VPS45: variants seen among roughly 807,000 people sequenced by gnomAD.
VPS45 encodes the protein vacuolar protein sorting 45 homolog, also known as vacuolar protein sorting-associated protein 45.
In VPS45, 35 loss-of-function variants were observed where a neutral mutation model predicts 75.9. The ratio of observed to expected loss-of-function variants is 0.46; its 90% CI spans 0.35 to 0.61. The LOEUF is 0.61. Ranked by LOEUF, VPS45 falls within the 20% of genes least tolerant of loss-of-function variation. The pLI is 0.00. For missense variants in VPS45, 559 were observed against 685.9 expected (o/e 0.81, Z 2.07); for synonymous variants, 220 against 238.2 (o/e 0.92, Z 0.70).
intron 10 of VPS45, 114 bp from the exon 11 acceptor site, chr1:150,091,823 T>A: frequency 1.1e-6 from 1 of 928,230 alleles, no homozygotes; most frequent in Non-Finnish European, 1.6e-6. Flanking sequence ...GTATGACTTA[T>A]AATTGTCATA....
chr1:150,094,404 G>A (rs189271873), intron 13 of VPS45, among the ~76,000 whole-genome samples: 2 of 152,202 alleles, frequency 1.3e-5, no homozygotes, highest in Admixed American at 6.5e-5. Flanking sequence ...AAGAGCCTTG[G>A]AAGTATAGTG....
chr1:150,130,628 G>A (rs1391759381), intron 14 of VPS45, among the ~76,000 whole-genome samples: 1 of 151,994 alleles, frequency 6.6e-6, no homozygotes, highest in African/African-American at 2.4e-5. Context: ...TCAATTTTTT[G>A]TTCATTCAAC....
At chr1:150,103,404 T>C (rs1386063139) in intron 13 of VPS45, among the ~76,000 whole-genome samples, 1 of 152,222 alleles carries the variant, frequency 6.6e-6, no homozygotes, top group Non-Finnish European at 1.5e-5. Context: ...TCAGCTTGAA[T>C]AAGTAGTAGG....
intron 14 of VPS45, among the ~76,000 whole-genome samples, chr1:150,128,917 A>G (rs1658666541): frequency 6.6e-6 from 1 of 152,068 alleles, no homozygotes; most frequent in Non-Finnish European, 1.5e-5. Flanking sequence ...TTATTTTTGT[A>G]TTTTTAGTAG....
chr1:150,131,939 A>G (rs1316982619), intron 14 of VPS45, among the ~76,000 whole-genome samples: 1 of 152,164 alleles, frequency 6.6e-6, no homozygotes, highest in East Asian at 1.9e-4. Context: ...GAAGGAAGAA[A>G]CAGATTAATA....
At chr1:150,130,079 G>A (rs77591787) in intron 14 of VPS45, among the ~76,000 whole-genome samples, 3,264 of 151,570 alleles carry the variant, frequency 0.022, 97 homozygotes, top group African/African-American at 0.074. Context: ...TGCCCAGTCT[G>A]GTATTGAACT....
At chr1:150,081,752 G>A in intron 8 of VPS45, 132 bp from the exon 9 acceptor site, 1 of 667,794 alleles carries the variant, frequency 1.5e-6, no homozygotes, top group South Asian at 2.0e-5. Flanking sequence ...CCCAGCTAAT[G>A]TCCAAATTTG....
Position 150,144,854 on chromosome 1 carries a change from T to A in VPS45, c.*58T>A, listed in dbSNP as rs1282485016. On this transcript the variant is annotated 3_prime_UTR_variant, in exon 15 of 15. Transcript: ENST00000644510. ...TCTTGTCCCCACTACAGGTTTTCCC[T>A]ACTAAACAAAGGTGTTGGAGAGCAG... 1 of 1,610,904 alleles carries A rather than the reference T, an allele frequency of 6.2e-7. No homozygotes were observed.
intron 13 of VPS45, among the ~76,000 whole-genome samples, chr1:150,102,235 C>CAAAAAA (rs1208831311): frequency 3.2e-4 from 30 of 94,656 alleles, no homozygotes; most frequent in African/African-American, 1.4e-3. Context: ...GAGACTCCGT[C>CAAAAAA]AAAAAAAAAA....
chr1:150,143,462 C>T (rs1659503538), intron 14 of VPS45, among the ~76,000 whole-genome samples: 2 of 152,112 alleles, frequency 1.3e-5, no homozygotes, highest in South Asian at 4.2e-4. Context: ...GTAGTATATG[C>T]CTGTAATCCC....
At chr1:150,095,546 G>A (rs587734680) in intron 13 of VPS45, among the ~76,000 whole-genome samples, 3 of 152,016 alleles carry the variant, frequency 2.0e-5, no homozygotes, top group South Asian at 2.1e-4. Context: ...CCTGGGAGGC[G>A]GAGGTTGCAG....
At chr1:150,123,882 A>C (rs1553810132) in intron 14 of VPS45, among the ~76,000 whole-genome samples, 1 of 152,184 alleles carries the variant, frequency 6.6e-6, no homozygotes, top group Admixed American at 6.5e-5. Context: ...AGTTCTTCTT[A>C]AAACTTTTGA....
intron 13 of VPS45, among the ~76,000 whole-genome samples, chr1:150,108,642 G>A (rs1339501202): frequency 2.0e-5 from 3 of 152,172 alleles, no homozygotes; most frequent in African/African-American, 4.8e-5. Flanking sequence ...ACCAATTGAA[G>A]AAGGTATATC....
At chr1:150,097,796 T>C (rs1384301055) in intron 13 of VPS45, among the ~76,000 whole-genome samples, 1 of 152,038 alleles carries the variant, frequency 6.6e-6, no homozygotes, top group Non-Finnish European at 1.5e-5. Flanking sequence ...ATGTATATTA[T>C]ATATATAATA....
intron 7 of VPS45, among the ~76,000 whole-genome samples, chr1:150,079,629 C>T (rs1197365000): frequency 6.6e-6 from 1 of 152,016 alleles, no homozygotes; most frequent in Non-Finnish European, 1.5e-5. Context: ...CCAGGCTGGT[C>T]TCGAATTCCT....
At position 150,102,235 on chromosome 1, in the gene VPS45, C is replaced by A. The variant is rs1200024562; in HGVS notation, c.1494-8261C>A. 1.7e-3 allele frequency among the ~76,000 whole-genome samples: 163 copies of A among 94,648 alleles called. 1 individual carries two copies. Among genetic ancestry groups the A allele is most frequent in the Middle Eastern group, 7.6e-3 (1 of 132 alleles). The allele number at this position is 94,648 out of a possible 152,430, so 62.1% of individuals were successfully genotyped here. On this transcript the variant is annotated intron_variant, in intron 13 of 14. Transcript: ENST00000644510. ...CCTGGGCGACAGAGTGAGACTCCGT[C>A]AAAAAAAAAAAAAAAAAAACAAACA...
At chr1:150,114,018 C>T (rs1387202336) in intron 14 of VPS45, among the ~76,000 whole-genome samples, 4 of 152,160 alleles carry the variant, frequency 2.6e-5, no homozygotes, top group Admixed American at 2.0e-4. Flanking sequence ...CCAATTTGTA[C>T]ACTATCATTG....
At chr1:150,098,686 T>G (rs1258880754) in intron 13 of VPS45, among the ~76,000 whole-genome samples, 23 of 152,246 alleles carry the variant, frequency 1.5e-4, no homozygotes, top group Admixed American at 1.4e-3. Flanking sequence ...AACACAACTT[T>G]GCAAAACCAG....
In VPS45 at chr1:150,068,807, A is replaced by T. The variant is rs782547606; in HGVS notation, c.228+43A>T. Reference sequence around the variant, plus strand: ...CTTCCATCTGCCCAGGCAGATGCAGAACACTCTGATCTGAAAGCATTAAGA... The same window carrying T: ...CTTCCATCTGCCCAGGCAGATGCAGTACACTCTGATCTGAAAGCATTAAGA... On this transcript the variant is annotated intron_variant, in intron 2 of 14. Coordinates refer to ENST00000644510, the MANE Select transcript of VPS45 (RefSeq NM_007259.5). 8.1e-5 allele frequency: 123 copies of T among 1,510,784 alleles called. No homozygotes were observed. The Admixed American group carries it at 2.7e-3, about 33-fold the overall frequency. The allele number at this position is 1,510,784 out of a possible 1,614,324, so 93.6% of individuals were successfully genotyped here. A position where few individuals can be genotyped will look rare whatever the true frequency, so the allele number is the denominator to read the frequency against.
Sources: gnomAD v4.1 joint callset for allele counts (sites outside exome capture counted in the v4.1 genomes callset) on GRCh38, gnomAD v4.1.1 for gene constraint, MANE v1.5 for transcripts, NCBI Gene and HGNC (gene_info 2026-07-23, HGNC 2026-07-21) for gene names.